The following PAPPA2 variants were observed in gnomAD, a reference collection of about 807,000 sequenced individuals.
PAPPA2 encodes the protein pappalysin 2.
PAPPA2 carries 86 observed loss-of-function variants against 176.4 expected under a neutral mutation model. That is an observed-to-expected ratio of 0.49 (90% CI 0.41 to 0.58). The LOEUF is 0.58. Among genes scored for constraint, PAPPA2 ranks in the 20% least tolerant of loss-of-function variants. The pLI is 0.00. For synonymous variants in PAPPA2, 809 were observed against 852.2 expected (o/e 0.95, Z 0.88); for missense variants, 2,073 against 2,256.9 (o/e 0.92, Z 1.65).
At chr1:176,816,995 G>T (rs1019736717) in intron 21 of PAPPA2, among the ~76,000 whole-genome samples, 1 of 152,144 alleles carries the variant, frequency 6.6e-6, no homozygotes, top group Admixed American at 6.5e-5. Flanking sequence ...AATCATGTTA[G>T]ATCCTAGGAA....
intron 1 of PAPPA2, among the ~76,000 whole-genome samples, chr1:176,521,267 C>T (rs1358353264): frequency 6.6e-6 from 1 of 152,120 alleles, no homozygotes; most frequent in African/African-American, 2.4e-5. Flanking sequence ...AGAGGTGATG[C>T]TATGTAACTT....
intron 22 of PAPPA2, 125 bp downstream of exon 22, chr1:176,840,396 A>G (rs1234734600): frequency 2.8e-6 from 2 of 726,370 alleles, no homozygotes; most frequent in Non-Finnish European, 4.6e-6. Context: ...GGGAATTATA[A>G]TGAACAAACA....
intron 21 of PAPPA2, among the ~76,000 whole-genome samples, chr1:176,838,859 A>T (rs1667374914): frequency 1.3e-5 from 2 of 152,250 alleles, no homozygotes; most frequent in Admixed American, 1.3e-4. Flanking sequence ...GCCGTTGGCA[A>T]ACTGGTATAC....
chr1:176,502,386 A>G (rs1478900542), intron 1 of PAPPA2, among the ~76,000 whole-genome samples: 1 of 152,204 alleles, frequency 6.6e-6, no homozygotes, highest in African/African-American at 2.4e-5. Context: ...TTTCTGATGT[A>G]CTTATTCTAT....
intron 12 of PAPPA2, among the ~76,000 whole-genome samples, chr1:176,723,099 G>A (rs1175339535): frequency 6.6e-6 from 1 of 152,118 alleles, no homozygotes; most frequent in East Asian, 1.9e-4. Context: ...CAGGGTAGTA[G>A]GGCAAAAGAG....
intron 14 of PAPPA2, among the ~76,000 whole-genome samples, chr1:176,760,915 G>A (rs1008083949): frequency 6.6e-6 from 1 of 152,024 alleles, no homozygotes; most frequent in Non-Finnish European, 1.5e-5. Flanking sequence ...TCTACCTCCT[G>A]GGTTCATGCC....
Position 176,549,250 on chromosome 1 carries a change from T to C in PAPPA2, c.-916-6157T>C, listed in dbSNP as rs577811012. ...CAGTACCCCTGTTTCTGCATATCAGTGTTTTTAATAAAGTCACATTCGAAT... is the reference window on the plus strand; with the variant it reads ...CAGTACCCCTGTTTCTGCATATCAGCGTTTTTAATAAAGTCACATTCGAAT... On this transcript the variant is annotated intron_variant, in intron 1 of 22. Coordinates refer to ENST00000367662, the MANE Select transcript of PAPPA2 (RefSeq NM_020318.3). Among the ~76,000 whole-genome samples, 171 of 152,340 alleles carry C rather than the reference T, an allele frequency of 1.1e-3. 2 individuals carry two copies. Among genetic ancestry groups the C allele is most frequent in the African/African-American group, 3.8e-3 (160 of 41,586 alleles).
Position 176,463,254 on chromosome 1 carries a change from T to G in PAPPA2, c.-1081T>G. ...TGCTTTGTGATACATCTCTGCACTT[T>G]CAGTATTTTCCAACTCATCCTTAAA... On this transcript the variant is annotated 5_prime_UTR_variant, in exon 1 of 23. Transcript: ENST00000367662. 6.6e-6 allele frequency: 1 copy of G among 152,256 alleles called. No homozygotes were observed. Among genetic ancestry groups the G allele is most frequent in the East Asian group, 1.9e-4 (1 of 5,194 alleles). The allele number at this position is 152,256 out of a possible 1,614,324, so 9.4% of individuals were successfully genotyped here.
chr1:176,505,263 A>G (rs1049130866), intron 1 of PAPPA2, among the ~76,000 whole-genome samples: 10 of 152,136 alleles, frequency 6.6e-5, no homozygotes, highest in Non-Finnish European at 8.8e-5. Flanking sequence ...CTCAGATCAA[A>G]GTAATCAATG....
chr1:176,642,885 C>T (rs1431065653), intron 3 of PAPPA2, among the ~76,000 whole-genome samples: 5 of 151,854 alleles, frequency 3.3e-5, no homozygotes, highest in African/African-American at 4.8e-5. Flanking sequence ...TTTATAGAAC[C>T]GTATAGCTAT....
At chr1:176,638,618 T>C (rs1024220183) in intron 3 of PAPPA2, among the ~76,000 whole-genome samples, 2 of 152,036 alleles carry the variant, frequency 1.3e-5, no homozygotes, top group Non-Finnish European at 2.9e-5. Context: ...CCCTCCTTCA[T>C]GGCGCACTGT....
chr1:176,781,352 G>A (rs1664704719), intron 17 of PAPPA2, among the ~76,000 whole-genome samples: 1 of 125,566 alleles, frequency 8.0e-6, no homozygotes, highest in Non-Finnish European at 1.6e-5. Flanking sequence ...TGTGAGAAGA[G>A]CTTTGTAAGG....
At chr1:176,783,568 C>T (rs962358572) in intron 17 of PAPPA2, among the ~76,000 whole-genome samples, 1 of 152,186 alleles carries the variant, frequency 6.6e-6, no homozygotes. Flanking sequence ...GGAAACGCAC[C>T]TTCTAACTTG....
chr1:176,674,883 C>T (rs1376542608), intron 4 of PAPPA2, among the ~76,000 whole-genome samples: 1 of 152,000 alleles, frequency 6.6e-6, no homozygotes, highest in African/African-American at 2.4e-5. Context: ...TGCTAGTTTA[C>T]ATTCACACCA....
chr1:176,604,324 T>C (rs911109565), intron 3 of PAPPA2, among the ~76,000 whole-genome samples: 1 of 152,212 alleles, frequency 6.6e-6, no homozygotes, highest in Non-Finnish European at 1.5e-5. Flanking sequence ...CACTAGAAAG[T>C]AAATTCTACG....
At chr1:176,756,027 C>T (rs773478507) in intron 14 of PAPPA2, among the ~76,000 whole-genome samples, 8 of 152,110 alleles carry the variant, frequency 5.3e-5, no homozygotes, top group East Asian at 3.9e-4. Flanking sequence ...AGCACAATCT[C>T]GGCTCACTGC....
intron 5 of PAPPA2, among the ~76,000 whole-genome samples, chr1:176,691,909 A>G (rs1259744405): frequency 6.6e-6 from 1 of 152,182 alleles, no homozygotes; most frequent in Non-Finnish European, 1.5e-5. Flanking sequence ...TGCTTTAGAT[A>G]TGAAAGTGCT....
intron 12 of PAPPA2, among the ~76,000 whole-genome samples, chr1:176,725,319 A>T (rs1420785095): frequency 6.6e-6 from 1 of 152,206 alleles, no homozygotes; most frequent in Non-Finnish European, 1.5e-5. Context: ...ATAGTGTGCT[A>T]ATATCTATTC....
chr1:176,650,094 A>T (rs1657629829), intron 3 of PAPPA2, among the ~76,000 whole-genome samples: 1 of 151,606 alleles, frequency 6.6e-6, no homozygotes, highest in Admixed American at 6.6e-5. Context: ...GTGCATAGAT[A>T]TTTATAATCA....
Sources: allele counts gnomAD v4.1 joint callset (sites outside exome capture counted in the v4.1 genomes callset), GRCh38; gene constraint gnomAD v4.1.1; transcripts MANE v1.5; gene names NCBI Gene and HGNC (gene_info 2026-07-23, HGNC 2026-07-21).